PRKD1: variants seen among roughly 807,000 people sequenced by gnomAD.
PRKD1 encodes protein kinase D1.
In PRKD1, 63 loss-of-function variants were observed where a neutral mutation model predicts 95.9. The ratio of observed to expected loss-of-function variants is 0.66; its 90% CI spans 0.54 to 0.81. The LOEUF (loss-of-function observed/expected upper bound fraction) is 0.81, where lower values mean the gene tolerates loss of function less well. Among genes scored for constraint, PRKD1 ranks in the 30% least tolerant of loss-of-function variants. PRKD1 has a pLI of 0.00. For missense variants in PRKD1, 1,048 were observed against 1,165.3 expected, an observed-to-expected ratio of 0.90 and a Z score of 1.47; for synonymous variants, 425 against 423.1, an observed-to-expected ratio of 1.00 and a Z score of -0.05.
intron 1 of PRKD1, among the ~76,000 whole-genome samples, chr14:29,775,153 T>C (rs1264537678): frequency 1.3e-5 from 2 of 152,074 alleles, no homozygotes; most frequent in African/African-American, 4.8e-5. Context: ...TATAGAACCT[T>C]GAGAGGACCG....
At chr14:29,724,538 T>C (rs1249977598) in intron 2 of PRKD1, among the ~76,000 whole-genome samples, 7 of 152,172 alleles carry the variant, frequency 4.6e-5, no homozygotes, top group Non-Finnish European at 7.3e-5. Context: ...TCCCAGGATC[T>C]CACACAACTG....
At chr14:29,593,430 G>C (rs1333099186) in intron 16 of PRKD1, among the ~76,000 whole-genome samples, 1 of 152,096 alleles carries the variant, frequency 6.6e-6, no homozygotes, top group Non-Finnish European at 1.5e-5. Flanking sequence ...CCACCTGGAG[G>C]TTGTCATCAT....
In PRKD1 at chr14:29,891,333, G is replaced by A. The variant is rs373694111; in HGVS notation, c.264+35916C>T. Among the ~76,000 whole-genome samples, 140 of 152,194 alleles carry A rather than the reference G, an allele frequency of 9.2e-4. 3 individuals are homozygous for A. The highest frequency in any genetic ancestry group is 3.3e-3 in the African/African-American group (135 of 41,512). ...TGTTTTTTCAGAACCACCATGAATG[G>A]TGACAGCCTCTGTCCAATTCAGTAG... On this transcript the variant is annotated intron_variant, in intron 1 of 17. Transcript: ENST00000331968.
chr14:29,722,438 T>C (rs1272647226), intron 2 of PRKD1, among the ~76,000 whole-genome samples: 1 of 152,224 alleles, frequency 6.6e-6, no homozygotes, highest in South Asian at 2.1e-4. Context: ...ATTTCTCTTA[T>C]GTGGGCCAAA....
Position 29,869,164 on chromosome 14 carries a change from T to A in PRKD1, c.264+58085A>T, listed in dbSNP as rs71415915. On this transcript the variant is annotated intron_variant, in intron 1 of 17. Transcript: ENST00000331968. ...CTTACTTTAAAAAAGAAGAAGAGGC[T>A]GGGTGTGGTGGCTCATGCCTGTAAT... is the stretch of plus-strand genomic sequence containing the variant. 5.3e-4 allele frequency among the ~76,000 whole-genome samples: 81 copies of A among 152,076 alleles called. 1 individual carries two copies. Among genetic ancestry groups the A allele is most frequent in the Non-Finnish European group, 9.6e-4 (65 of 67,972 alleles).
chr14:29,664,212 A>T (rs900445443), intron 3 of PRKD1, among the ~76,000 whole-genome samples: 20 of 152,320 alleles, frequency 1.3e-4, no homozygotes, highest in African/African-American at 4.8e-4. Flanking sequence ...ATAAAGGAAT[A>T]TTAATCACAG....
chr14:29,616,606 T>C (rs1180134464), intron 13 of PRKD1, among the ~76,000 whole-genome samples: 1 of 151,978 alleles, frequency 6.6e-6, no homozygotes, highest in African/African-American at 2.4e-5. Flanking sequence ...ACCAACCGAC[T>C]TAATTTTTTA....
At chr14:29,649,187 T>A (rs1881330701) in intron 4 of PRKD1, among the ~76,000 whole-genome samples, 1 of 152,176 alleles carries the variant, frequency 6.6e-6, no homozygotes, top group South Asian at 2.1e-4. Context: ...AGCCATTTAT[T>A]TTAATTTCTT....
intron 4 of PRKD1, among the ~76,000 whole-genome samples, chr14:29,642,609 A>T (rs7143801): frequency 0.028 from 4,273 of 152,312 alleles, 181 homozygotes; most frequent in African/African-American, 0.091. Flanking sequence ...CAAGTTTATA[A>T]GTTATAACAA....
At chr14:29,731,560 T>G (rs1368012910) in intron 1 of PRKD1, among the ~76,000 whole-genome samples, 2 of 152,180 alleles carry the variant, frequency 1.3e-5, no homozygotes, top group African/African-American at 2.4e-5. Flanking sequence ...CTTGTGGATT[T>G]TTTTCTCTTT....
chr14:29,654,318 C>G (rs973132780), intron 4 of PRKD1, among the ~76,000 whole-genome samples: 1 of 151,868 alleles, frequency 6.6e-6, no homozygotes, highest in Non-Finnish European at 1.5e-5. Context: ...ATTACAGGTG[C>G]GTGCCACCAT....
intron 13 of PRKD1, among the ~76,000 whole-genome samples, chr14:29,601,451 A>AC (rs1484931071): frequency 2.6e-5 from 4 of 152,172 alleles, no homozygotes; most frequent in Non-Finnish European, 4.4e-5. Flanking sequence ...CTACACATCT[A>AC]CCCAATAGCC....
intron 1 of PRKD1, among the ~76,000 whole-genome samples, chr14:29,774,733 T>A (rs1472282673): frequency 1.4e-5 from 2 of 146,620 alleles, no homozygotes; most frequent in Admixed American, 1.3e-4. Flanking sequence ...GAAACTATGC[T>A]TTGGGGAAAT....
intron 1 of PRKD1, among the ~76,000 whole-genome samples, chr14:29,734,331 C>T (rs1480735907): frequency 3.9e-5 from 6 of 152,032 alleles, no homozygotes; most frequent in Non-Finnish European, 5.9e-5. Flanking sequence ...TGAGCCACTG[C>T]GCCCAGCCTC....
intron 1 of PRKD1, among the ~76,000 whole-genome samples, chr14:29,789,782 T>C (rs1363200813): frequency 6.6e-6 from 1 of 152,020 alleles, no homozygotes; most frequent in Non-Finnish European, 1.5e-5. Flanking sequence ...GTGCAGCCAG[T>C]AGTGCCAGTG....
intron 2 of PRKD1, among the ~76,000 whole-genome samples, chr14:29,700,080 C>T (rs1163348040): frequency 3.8e-5 from 5 of 129,998 alleles, no homozygotes; most frequent in Non-Finnish European, 8.1e-5. Flanking sequence ...ATTTGCTTAG[C>T]TTATCCCTTC....
chr14:29,614,937 A>C (rs12897466), intron 13 of PRKD1, among the ~76,000 whole-genome samples: 73,008 of 145,644 alleles, frequency 0.5, 19,659 homozygotes, highest in East Asian at 0.69. Context: ...GTCTTGAACT[A>C]CTGAGCTCAG....
chr14:29,588,496 G>T (rs948539673), intron 16 of PRKD1, among the ~76,000 whole-genome samples: 1 of 152,190 alleles, frequency 6.6e-6, no homozygotes, highest in Non-Finnish European at 1.5e-5. Context: ...CTTGATAAAT[G>T]TAGTGGTATA....
chr14:29,687,170 C>A (rs1883930470), intron 2 of PRKD1, among the ~76,000 whole-genome samples: 1 of 152,034 alleles, frequency 6.6e-6, no homozygotes, highest in African/African-American at 2.4e-5. Flanking sequence ...GAACAGAGAA[C>A]TTGCATAGTA....
Sources: gnomAD v4.1 joint callset for allele counts (sites outside exome capture counted in the v4.1 genomes callset) on GRCh38, gnomAD v4.1.1 for gene constraint, MANE v1.5 for transcripts, NCBI Gene and HGNC (gene_info 2026-07-23, HGNC 2026-07-21) for gene names.